The following CMIP variants were observed in gnomAD, a reference collection of about 807,000 sequenced individuals.
CMIP encodes C-Maf-inducing protein.
CMIP carries 13 observed loss-of-function variants against 97.3 expected under a neutral mutation model. That is an observed-to-expected ratio of 0.13 (90% confidence interval 0.09 to 0.21). The LOEUF (loss-of-function observed/expected upper bound fraction) is 0.21. CMIP is among the 10% of genes least tolerant of loss of function. The pLI, the probability that CMIP is intolerant of heterozygous loss-of-function variation, is 1.00. For missense variants in CMIP, 847 were observed against 1,024.9 expected (o/e 0.83, Z 2.37); for synonymous variants, 538 against 436.3 (o/e 1.23, Z -2.91).
At chr16:81,597,475 G>T (rs1197096586) in intron 1 of CMIP, among the ~76,000 whole-genome samples, 1 of 152,058 alleles carries the variant, frequency 6.6e-6, no homozygotes, top group Non-Finnish European at 1.5e-5. Flanking sequence ...CCTGCTCAGA[G>T]TGTTCATTTC....
intron 1 of CMIP, among the ~76,000 whole-genome samples, chr16:81,503,326 C>CT (rs1218419803): frequency 1.3e-5 from 2 of 152,146 alleles, no homozygotes; most frequent in Non-Finnish European, 2.9e-5. Context: ...CTGGTATGAG[C>CT]AGTCAGTGTT....
At chr16:81,701,066 C>G (rs1431352179) in intron 15 of CMIP, among the ~76,000 whole-genome samples, 1 of 151,282 alleles carries the variant, frequency 6.6e-6, no homozygotes, top group African/African-American at 2.4e-5. Context: ...AGGAGGATCA[C>G]TTGAGCCCAG....
At chr16:81,650,793 A>G (rs141883320) in intron 3 of CMIP, among the ~76,000 whole-genome samples, 4 of 152,242 alleles carry the variant, frequency 2.6e-5, no homozygotes, top group African/African-American at 9.6e-5. Context: ...AGGTGCCGGT[A>G]TTTTCCATCC....
At chr16:81,592,788 A>G (rs2091486123) in intron 1 of CMIP, among the ~76,000 whole-genome samples, 4 of 152,190 alleles carry the variant, frequency 2.6e-5, no homozygotes, top group East Asian at 1.9e-4. Flanking sequence ...GGAAGTATCC[A>G]TGAGATGAAG....
At chr16:81,594,231 C>T (rs1388486654) in intron 1 of CMIP, among the ~76,000 whole-genome samples, 2 of 150,864 alleles carry the variant, frequency 1.3e-5, no homozygotes, top group East Asian at 3.9e-4. Context: ...GATCCTCCCA[C>T]CTCAGCCTCC....
chr16:81,455,796 G>T (rs1173431075), intron 1 of CMIP, among the ~76,000 whole-genome samples: 1 of 152,222 alleles, frequency 6.6e-6, no homozygotes, highest in Non-Finnish European at 1.5e-5. Flanking sequence ...CCAGGCCTGA[G>T]CTGTGGCTCA....
intron 1 of CMIP, among the ~76,000 whole-genome samples, chr16:81,493,689 T>C (rs1286347154): frequency 6.6e-6 from 1 of 152,104 alleles, no homozygotes; most frequent in Non-Finnish European, 1.5e-5. Flanking sequence ...ACACCAACAG[T>C]AATAACAATG....
chr16:81,644,540 G>C (rs779313274), intron 3 of CMIP, among the ~76,000 whole-genome samples: 4 of 152,230 alleles, frequency 2.6e-5, no homozygotes, highest in Non-Finnish European at 5.9e-5. Context: ...TGAAGGTAAT[G>C]TGACAGTCTC....
rs752814713 is a variant in CMIP, at chr16:81,678,640, C to CCA, written c.1388+13_1388+14insAC. ...ATCCTCAAGCTGCTGTGAGTGCCCC[C>CCA]CCCGCGTGCCCGCCCCCGGGGCCGG... On this transcript the variant is annotated intron_variant, in intron 10 of 20. Transcript: ENST00000537098. 5.1e-6 allele frequency: 7 copies of CCA among 1,362,276 alleles called. No homozygotes were observed. The highest frequency in any genetic ancestry group is 1.2e-5 in the South Asian group (1 of 81,580). The allele number at this position is 1,362,276 out of a possible 1,614,324, so 84.4% of individuals were successfully genotyped here. A position where few individuals can be genotyped will look rare whatever the true frequency, so the allele number is the denominator to read the frequency against.
chr16:81,560,456 G>T (rs905486625), intron 1 of CMIP, among the ~76,000 whole-genome samples: 8 of 152,252 alleles, frequency 5.3e-5, no homozygotes, highest in African/African-American at 1.7e-4. Flanking sequence ...CTGACCTCGT[G>T]ATCCGCCCGC....
At chr16:81,692,513 A>C (rs941982336) in intron 11 of CMIP, among the ~76,000 whole-genome samples, 3 of 152,216 alleles carry the variant, frequency 2.0e-5, no homozygotes, top group Admixed American at 2.0e-4. Context: ...AAGCCTCGGG[A>C]GGCAGCTGGG....
At chr16:81,526,995 G>A (rs1354835065) in intron 1 of CMIP, among the ~76,000 whole-genome samples, 3 of 152,270 alleles carry the variant, frequency 2.0e-5, no homozygotes, top group Non-Finnish European at 4.4e-5. Context: ...CACAGGGCGT[G>A]AGCTTTGCAG....
intron 1 of CMIP, among the ~76,000 whole-genome samples, chr16:81,526,436 C>A (rs1055823868): frequency 6.6e-6 from 1 of 152,194 alleles, no homozygotes; most frequent in African/African-American, 2.4e-5. Flanking sequence ...TATTTCATTC[C>A]TGTTGTTGTG....
At chr16:81,670,859 C>T (rs1235023544) in intron 8 of CMIP, among the ~76,000 whole-genome samples, 4 of 152,076 alleles carry the variant, frequency 2.6e-5, no homozygotes, top group Non-Finnish European at 2.9e-5. Flanking sequence ...GATGGAGTCT[C>T]GCTCTGTCAC....
At chr16:81,449,173 C>T (rs1405330616) in intron 1 of CMIP, among the ~76,000 whole-genome samples, 1 of 152,228 alleles carries the variant, frequency 6.6e-6, no homozygotes, top group Non-Finnish European at 1.5e-5. Context: ...GAATGTGGCA[C>T]ACGGTATTTC....
At chr16:81,561,752 A>G (rs913647906) in intron 1 of CMIP, among the ~76,000 whole-genome samples, 1 of 152,250 alleles carries the variant, frequency 6.6e-6, no homozygotes, top group African/African-American at 2.4e-5. Context: ...TCTAGTAGCC[A>G]CTGGGCATGT....
intron 2 of CMIP, among the ~76,000 whole-genome samples, chr16:81,611,577 T>G (rs1445806340): frequency 6.6e-6 from 1 of 152,088 alleles, no homozygotes; most frequent in Non-Finnish European, 1.5e-5. Flanking sequence ...CTTCCCCTTC[T>G]GTCCCCTCCT....
chr16:81,594,215 T>A (rs900128183), intron 1 of CMIP, among the ~76,000 whole-genome samples: 3 of 150,012 alleles, frequency 2.0e-5, no homozygotes, highest in Non-Finnish European at 4.4e-5. Flanking sequence ...ACTCCTGGGT[T>A]CAAGTGATCC....
chr16:81,642,882 T>C lies in CMIP; in HGVS notation c.478-9321T>C, dbSNP rs572276384. 4.6e-5 allele frequency among the ~76,000 whole-genome samples: 7 copies of C among 151,628 alleles called. No individual in the cohort carries two copies. In the East Asian group the frequency reaches 1.4e-3, roughly 30 times the overall value. On this transcript the variant is annotated intron_variant, in intron 3 of 20. Transcript: ENST00000537098. ...CTGCACTCCAGCCTGGGTAACAGAG[T>C]GAGACTCCATCTCGCAAAAAAAAGA...
Sources: allele counts gnomAD v4.1 joint callset (sites outside exome capture counted in the v4.1 genomes callset), GRCh38; gene constraint gnomAD v4.1.1; transcripts MANE v1.5; gene names NCBI Gene and HGNC (gene_info 2026-07-23, HGNC 2026-07-21).